The following AGBL3 variants were observed in gnomAD, a reference collection of about 807,000 sequenced individuals.
AGBL3 encodes the protein AGBL carboxypeptidase 3, also known as cytosolic carboxypeptidase 3.
A neutral mutation model predicts 94.5 loss-of-function variants in AGBL3; 68 were observed. The ratio of observed to expected loss-of-function variants is 0.72; its 90% CI spans 0.59 to 0.88. The LOEUF (loss-of-function observed/expected upper bound fraction) is 0.88, where lower values mean the gene tolerates loss of function less well. Ranked by LOEUF, AGBL3 falls within the 40% of genes least tolerant of loss-of-function variation. The pLI is 0.00. For missense variants in AGBL3, 934 were observed against 1,103.8 expected, an observed-to-expected ratio of 0.85 and a Z score of 2.18; for synonymous variants, 354 against 370.7, an observed-to-expected ratio of 0.95 and a Z score of 0.52.
chr7:135,032,928 C>A lies in AGBL3; in HGVS notation c.503C>A (p.Thr168Asn). ...CAGCCTGTGGATTACCGTGACAATA[C>A]TTTGATGTTTGAAGCAAGGTTTGAG... ...LKQPVDYRDN[T>N]LMFEARFESG... Residue 168 changes from threonine to asparagine, a missense_variant, in exon 6 of 17, where the codon ACT becomes AAT. Thr to Asn is a moderately conservative substitution (Grantham distance 65, BLOSUM62 0). Around this residue, in one of 3 missense-constraint regions of AGBL3, gnomAD observed 488 missense variants for 563.6 expected, o/e 0.87. Transcript: ENST00000436302. 6.4e-7 allele frequency: 1 copy of A among 1,551,566 alleles called. No homozygotes were observed. Among genetic ancestry groups the A allele is most frequent in the Middle Eastern group, 1.7e-4 (1 of 5,996 alleles).
At chr7:135,128,482 G>A in intron 16 of AGBL3, 1 of 753,160 alleles carries the variant, frequency 1.3e-6, no homozygotes. Flanking sequence ...TGAATTGCTG[G>A]CCCCAGTGAG....
intron 13 of AGBL3, among the ~76,000 whole-genome samples, chr7:135,077,794 A>G (rs1326008525): frequency 6.6e-6 from 1 of 152,284 alleles, no homozygotes; most frequent in Non-Finnish European, 1.5e-5. Flanking sequence ...CTTAATGCGC[A>G]TGCTCGAGCT....
chr7:135,021,029 C>T (rs914301523), intron 5 of AGBL3, among the ~76,000 whole-genome samples: 36 of 143,054 alleles, frequency 2.5e-4, no homozygotes, highest in Admixed American at 6.5e-4. Context: ...GCACGTTATG[C>T]ACATGTACCC....
rs1275188809 is a variant in AGBL3, at chr7:135,034,528, A to C, written c.937A>C (p.Ile313Leu). The C allele has an allele frequency of 2.6e-6, 4 of 1,551,958 alleles. No homozygotes were observed. In the South Asian group the frequency reaches 4.8e-5, roughly 18 times the overall value. ...YTNLQEYLSG[I>L]NNDPVRSKFC... Reference sequence around the variant, plus strand: ...CAACCTGCAAGAATACCTTTCTGGCATCAATAATGATCCAGTACGGTCAAA... The same window carrying C: ...CAACCTGCAAGAATACCTTTCTGGCCTCAATAATGATCCAGTACGGTCAAA... The change falls in exon 7 of 17, where the codon ATC becomes CTC. Residue 313 changes from isoleucine (I) to leucine (L), a missense_variant. Around this residue, in one of 3 missense-constraint regions of AGBL3, gnomAD observed 488 missense variants for 563.6 expected, o/e 0.87. Transcript: ENST00000436302.
intron 15 of AGBL3, among the ~76,000 whole-genome samples, chr7:135,100,452 G>T (rs1053634443): frequency 6.6e-6 from 1 of 152,132 alleles, no homozygotes; most frequent in Non-Finnish European, 1.5e-5. Flanking sequence ...ATAAACAACT[G>T]TCTGGATGGT....
At chr7:134,998,248 C>T (rs1811253565) in intron 4 of AGBL3, among the ~76,000 whole-genome samples, 1 of 152,140 alleles carries the variant, frequency 6.6e-6, no homozygotes, top group African/African-American at 2.4e-5. Flanking sequence ...AGAATGTCTC[C>T]CAGAGCAATG....
In AGBL3 at chr7:135,061,994, A is replaced by C. The variant is rs1450061384; in HGVS notation, c.1908+2759A>C. Among the ~76,000 whole-genome samples, 4 of 152,028 alleles carry C rather than the reference A, an allele frequency of 2.6e-5. No individual in the cohort carries two copies. The East Asian group carries it at 7.7e-4, about 29-fold the overall frequency. On this transcript the variant is annotated intron_variant, in intron 12 of 16. Coordinates refer to ENST00000436302, the MANE Select transcript of AGBL3 (RefSeq NM_178563.4). ...GTAGTATGGACAATTTGACAATATT[A>C]ATTATTCTGATCCATGAGCACAAGA...
intron 15 of AGBL3, among the ~76,000 whole-genome samples, chr7:135,114,077 C>T (rs898165910): frequency 6.6e-6 from 1 of 151,326 alleles, no homozygotes. Flanking sequence ...TATGAATATA[C>T]CTCATTTTGT....
At chr7:135,004,154 A>G (rs1812085299) in intron 4 of AGBL3, among the ~76,000 whole-genome samples, 1 of 151,672 alleles carries the variant, frequency 6.6e-6, no homozygotes, top group Non-Finnish European at 1.5e-5. Flanking sequence ...TTATTACTAA[A>G]CTTTATTAAA....
rs533640880 is a variant in AGBL3, at chr7:135,121,774, T to C, written c.2342+6163T>C. Reference sequence around the variant, plus strand: ...TCCACAGAGAGGAAGAACAGTGTAGTGCAGTGGCCCACCTGAGAGCCACAC... The same window carrying C: ...TCCACAGAGAGGAAGAACAGTGTAGCGCAGTGGCCCACCTGAGAGCCACAC... On this transcript the variant is annotated intron_variant, in intron 16 of 16. Coordinates refer to ENST00000436302, the MANE Select transcript of AGBL3 (RefSeq NM_178563.4). 2.0e-5 allele frequency among the ~76,000 whole-genome samples: 3 copies of C among 151,730 alleles called. No individual in the cohort carries two copies. In the East Asian group the frequency reaches 5.8e-4, roughly 30 times the overall value.
intron 12 of AGBL3, among the ~76,000 whole-genome samples, chr7:135,065,092 T>C (rs1233997133): frequency 2.0e-5 from 3 of 152,204 alleles, no homozygotes; most frequent in African/African-American, 7.2e-5. Context: ...CATCCTCCTA[T>C]ATAGTAGTTC....
At chr7:135,007,086 A>T (rs149087833) in intron 4 of AGBL3, among the ~76,000 whole-genome samples, 4 of 152,064 alleles carry the variant, frequency 2.6e-5, no homozygotes, top group Admixed American at 2.6e-4. Flanking sequence ...TTCATTGCTG[A>T]ATTCTTCCAA....
rs535056662 is a variant in AGBL3 at position 135,023,223 on chromosome 7, A to T, written c.418+6064A>T. 2.0e-5 allele frequency among the ~76,000 whole-genome samples: 3 copies of T among 152,328 alleles called. 1 individual carries two copies. In the South Asian group the frequency reaches 6.2e-4, roughly 32 times the overall value. The stretch of plus-strand genomic sequence containing the variant: ...AGACAAGATGGCTGACTAGACAGTC[A>T]GGAAGCACCACTCCCACTGAGAGAG... On this transcript the variant is annotated intron_variant, in intron 5 of 16. Transcript: ENST00000436302.
At position 135,026,161 on chromosome 7, in the gene AGBL3, C is replaced by A. The variant is rs144009315; in HGVS notation, c.419-6683C>A. Among the ~76,000 whole-genome samples the A allele has an allele frequency of 9.9e-5, 15 of 151,368 alleles. 4 individuals carry two copies. The East Asian group carries it at 2.9e-3, about 29-fold the overall frequency. On this transcript the variant is annotated intron_variant, in intron 5 of 16. Transcript: ENST00000436302. ...ATCAACCACATGCTTTGTCATAAAG[C>A]AAGACTCAATAAATTAAAAAAAATT...
chr7:135,135,312 A>G lies in AGBL3; in HGVS notation c.*51A>G. The G allele has an allele frequency of 7.3e-7, 1 of 1,379,020 alleles. No homozygotes were observed. The highest frequency in any genetic ancestry group is 9.5e-7 in the Non-Finnish European group (1 of 1,050,168). 85.4% of individuals were successfully genotyped at this position (1,379,020 alleles called of 1,614,324 possible). A position where few individuals can be genotyped will look rare whatever the true frequency, so the allele number is the denominator to read the frequency against. On this transcript the variant is annotated 3_prime_UTR_variant, in exon 17 of 17. Coordinates refer to ENST00000436302, the MANE Select transcript of AGBL3 (RefSeq NM_178563.4). ...TGTGAATGAAGGATAACATATGCTT[A>G]TGTAGTAAAAAGAAAAAAAGGAAAG... is the stretch of plus-strand genomic sequence containing the variant.
At chr7:134,986,992 T>G (rs1004368540) in intron 1 of AGBL3, among the ~76,000 whole-genome samples, 1 of 152,270 alleles carries the variant, frequency 6.6e-6, no homozygotes, top group Non-Finnish European at 1.5e-5. Flanking sequence ...AGGTCAGCAC[T>G]TCGTGCGCCC....
In AGBL3 at chr7:135,054,558, G is replaced by A. The variant is rs181829892; in HGVS notation, c.1842-4611G>A. ...AAAAGATAAAGCAACTTTAAAAGGTGTGTTGTTTAATGAAAAAATATTTTC... is the reference window on the plus strand; with the variant it reads ...AAAAGATAAAGCAACTTTAAAAGGTATGTTGTTTAATGAAAAAATATTTTC... On this transcript the variant is annotated intron_variant, in intron 11 of 16. Transcript: ENST00000436302. 6.9e-4 allele frequency among the ~76,000 whole-genome samples: 105 copies of A among 152,216 alleles called. 3 individuals carry two copies. Among genetic ancestry groups the A allele is most frequent in the Admixed American group, 6.8e-3 (104 of 15,292 alleles).
chr7:135,064,905 C>T (rs1339148949), intron 12 of AGBL3, among the ~76,000 whole-genome samples: 1 of 152,176 alleles, frequency 6.6e-6, no homozygotes, highest in Non-Finnish European at 1.5e-5. Flanking sequence ...TTTGTCATGG[C>T]TTAAATGAGG....
chr7:135,043,718 T>A (rs1386713760), intron 8 of AGBL3, among the ~76,000 whole-genome samples: 2 of 152,122 alleles, frequency 1.3e-5, no homozygotes, highest in African/African-American at 4.8e-5. Flanking sequence ...ACTTACTATG[T>A]ACCCACAAAA....
Sources: gnomAD v4.1 joint callset for allele counts (sites outside exome capture counted in the v4.1 genomes callset) on GRCh38, gnomAD v4.1.1 for gene constraint, gnomAD v4.1.1 regional missense constraint, MANE v1.5 for transcripts, NCBI Gene and HGNC (gene_info 2026-07-23, HGNC 2026-07-21) for gene names.